Variants in MYO18B observed in about 807,000 individuals in gnomAD.
The protein encoded by MYO18B is unconventional myosin-XVIIIb.
A neutral mutation model predicts 273.0 loss-of-function variants in MYO18B; 204 were observed. The ratio of observed to expected loss-of-function variants is 0.75; its 90% CI spans 0.67 to 0.84. The LOEUF is 0.84. Ranked by LOEUF, MYO18B falls within the 40% of genes least tolerant of loss-of-function variation. MYO18B has a pLI of 0.00. For synonymous variants in MYO18B, 1,330 were observed against 1,305.7 expected (o/e 1.02, Z -0.40); for missense variants, 3,212 against 3,287.6 (o/e 0.98, Z 0.56).
chr22:25,769,416 A>G lies in MYO18B; in HGVS notation c.1500A>G (p.Arg500=), dbSNP rs1312010077. 9 of 1,551,328 alleles carry G rather than the reference A, an allele frequency of 5.8e-6. No homozygotes were observed. In the Middle Eastern group the frequency reaches 7.3e-4, roughly 127 times the overall value. The change falls in exon 4 of 44, where the codon AGA becomes AGG. Residue 500 remains arginine, a synonymous_variant. Coordinates refer to ENST00000335473, the MANE Select transcript of MYO18B (RefSeq NM_032608.7). The stretch of plus-strand genomic sequence containing the variant: ...AGGAGGGCAAAGGAGGCCAGAGCAG[A>G]GACTCAGACCAGGTGAGGGGGCTGC... ...PQEEGKGGQS[R]DSDQAPEDRW...
chr22:26,053,371 T>C, the MYO18B span, among the ~76,000 whole-genome samples: 1 of 152,138 alleles, frequency 6.6e-6, no homozygotes, highest in Admixed American at 6.5e-5. Flanking sequence ...ACTATACCTA[T>C]TTTACAGAGG....
At chr22:25,744,203 GT>G (rs2085709951) in intron 1 of MYO18B, among the ~76,000 whole-genome samples, 1 of 152,184 alleles carries the variant, frequency 6.6e-6, no homozygotes, top group Non-Finnish European at 1.5e-5. Context: ...TATTGGGCAG[GT>G]GTTCCTCCAG....
chr22:25,990,296 A>G (rs908915966), intron 39 of MYO18B, among the ~76,000 whole-genome samples: 3 of 152,126 alleles, frequency 2.0e-5, no homozygotes, highest in African/African-American at 7.2e-5. Flanking sequence ...CTGGACTGGG[A>G]GCCACCAAGC....
chr22:25,787,272 G>GCACACACACA lies in MYO18B; in HGVS notation c.2376+1810_2376+1819dup, dbSNP rs10598069. Reference sequence around the variant, plus strand: ...TAAGCCTGTGTGCGTGCAGGCGCGCGCACACACACACACACACACACACAC... The same window carrying GCACACACACA: ...TAAGCCTGTGTGCGTGCAGGCGCGCGCACACACACACACACACACACACACACACACACAC... On this transcript the variant is annotated intron_variant, in intron 11 of 43. Coordinates refer to ENST00000335473, the MANE Select transcript of MYO18B (RefSeq NM_032608.7). Among the ~76,000 whole-genome samples, 15 of 136,714 alleles carry GCACACACACA rather than the reference G, an allele frequency of 1.1e-4. No homozygotes were observed. The South Asian group carries it at 1.7e-3, about 16-fold the overall frequency. The allele number at this position is 136,714 out of a possible 152,430, so 89.7% of individuals were successfully genotyped here.
chr22:25,889,676 T>G (rs2091604554), intron 25 of MYO18B, among the ~76,000 whole-genome samples: 1 of 152,084 alleles, frequency 6.6e-6, no homozygotes, highest in Non-Finnish European at 1.5e-5. Context: ...ACTAATATAT[T>G]TCTCCCGTTA....
chr22:25,921,432 G>A (rs2092340466), intron 34 of MYO18B, 23 bp downstream of exon 34: 1 of 1,593,384 alleles, frequency 6.3e-7, no homozygotes, highest in Non-Finnish European at 8.5e-7. Context: ...GGATCCCCTT[G>A]AGAATCAGGC....
rs1053121808 is a variant in MYO18B, at chr22:25,766,594, G to T, written c.199-1521G>T. Among the ~76,000 whole-genome samples the T allele has an allele frequency of 3.3e-5, 5 of 152,262 alleles. No individual in the cohort carries two copies. The East Asian group carries it at 9.6e-4, about 29-fold the overall frequency. On this transcript the variant is annotated intron_variant, in intron 3 of 43. Transcript: ENST00000335473. ...GAGATAGAAGAGATATTTGAGCTGG[G>T]TATAGAAGATGAGTAGACCATGGAC...
intron 12 of MYO18B, among the ~76,000 whole-genome samples, chr22:25,802,105 C>G (rs911224509): frequency 2.6e-5 from 4 of 152,238 alleles, no homozygotes; most frequent in Middle Eastern, 3.2e-3. Flanking sequence ...AGTACCCGAC[C>G]TCCCATACTT....
rs185523692 is a variant in MYO18B, at chr22:25,915,120, T to C, written c.5364+4070T>C. On this transcript the variant is annotated intron_variant, in intron 33 of 43. Coordinates refer to ENST00000335473, the MANE Select transcript of MYO18B (RefSeq NM_032608.7). ...TATTTCATTTGCCTCCAGTATAAGA[T>C]TGAATGGTAGAGAAAGATATTTGAC... 3.9e-5 allele frequency among the ~76,000 whole-genome samples: 6 copies of C among 152,312 alleles called. No homozygotes were observed. The East Asian group carries it at 1.2e-3, about 29-fold the overall frequency.
chr22:26,005,146 C>T (rs1934317736), intron 42 of MYO18B, among the ~76,000 whole-genome samples: 1 of 152,080 alleles, frequency 6.6e-6, no homozygotes, highest in South Asian at 2.1e-4. Context: ...GCATGGTTTT[C>T]CAGATTTTTA....
chr22:25,762,919 A>G (rs575869267), intron 2 of MYO18B, among the ~76,000 whole-genome samples: 79 of 152,362 alleles, frequency 5.2e-4, no homozygotes, highest in African/African-American at 1.8e-3. Flanking sequence ...GGCATGTCCC[A>G]TGGCAAGGAA....
chr22:25,990,183 A>G (rs994730331), intron 39 of MYO18B, among the ~76,000 whole-genome samples: 1 of 152,170 alleles, frequency 6.6e-6, no homozygotes, highest in African/African-American at 2.4e-5. Context: ...CAGACTTACA[A>G]TAATGTGAAT....
chr22:25,765,977 G>T (rs2086491506), intron 3 of MYO18B, among the ~76,000 whole-genome samples: 1 of 152,170 alleles, frequency 6.6e-6, no homozygotes, highest in African/African-American at 2.4e-5. Context: ...CTCGGCCTTG[G>T]GCCCCAGAGC....
At chr22:25,843,276 G>A (rs1601320434) in intron 17 of MYO18B, among the ~76,000 whole-genome samples, 3 of 152,132 alleles carry the variant, frequency 2.0e-5, no homozygotes, top group South Asian at 4.2e-4. Flanking sequence ...ATGATTTTAC[G>A]CGGCATAAAA....
At chr22:25,884,932 T>TA (rs1477094943) in intron 25 of MYO18B, 2 of 152,208 alleles carry the variant, frequency 1.3e-5, no homozygotes, top group South Asian at 2.1e-4. Flanking sequence ...GCGTGCTATC[T>TA]AGCAAGCCAC....
chr22:26,051,878 TA>T, the MYO18B span, among the ~76,000 whole-genome samples: 1 of 152,270 alleles, frequency 6.6e-6, no homozygotes, highest in East Asian at 1.9e-4. Flanking sequence ...TTTTTGCACT[TA>T]AAAACATATT....
At chr22:26,056,155 CAA>C in the MYO18B span, among the ~76,000 whole-genome samples, 1 of 152,076 alleles carries the variant, frequency 6.6e-6, no homozygotes, top group Non-Finnish European at 1.5e-5. Flanking sequence ...TAGATTTATC[CAA>C]AGTGTATTCA....
chr22:26,036,365 G>A, the MYO18B span, among the ~76,000 whole-genome samples: 6 of 152,210 alleles, frequency 3.9e-5, no homozygotes, highest in African/African-American at 1.4e-4. Flanking sequence ...TCCCATTCCT[G>A]TGTGTCTGTG....
At chr22:25,817,200 TTTTCTTTCTTTC>T (rs150447515) in intron 12 of MYO18B, among the ~76,000 whole-genome samples, 1 of 151,654 alleles carries the variant, frequency 6.6e-6, no homozygotes, top group Middle Eastern at 3.4e-3. Flanking sequence ...CTTCCTCCCT[TTTTCTTTCTTTC>T]TTTCTTTCTT....
Sources: gnomAD v4.1 joint callset for allele counts (sites outside exome capture counted in the v4.1 genomes callset) on GRCh38, gnomAD v4.1.1 for gene constraint, MANE v1.5 for transcripts, NCBI Gene and HGNC (gene_info 2026-07-23, HGNC 2026-07-21) for gene names.